Variants in MPPED2 observed in about 807,000 individuals in gnomAD.
MPPED2 encodes the protein metallophosphoesterase MPPED2.
MPPED2 carries 5 observed loss-of-function variants against 33.0 expected under a neutral mutation model. That is an observed-to-expected ratio of 0.15 (90% confidence interval 0.08 to 0.32). The LOEUF is 0.32. Among genes scored for constraint, MPPED2 ranks in the 10% least tolerant of loss-of-function variants. The pLI is 1.00. For synonymous variants in MPPED2, 136 were observed against 141.9 expected (o/e 0.96, Z 0.29); for missense variants, 275 against 372.1 (o/e 0.74, Z 2.15).
chr11:30,575,945 GA>G (rs1214493934), intron 2 of MPPED2, among the ~76,000 whole-genome samples: 1 of 152,084 alleles, frequency 6.6e-6, no homozygotes, highest in African/African-American at 2.4e-5. Context: ...AGGAAGAAAG[GA>G]CAAGATTTAG....
chr11:30,487,470 A>G (rs1473121434), intron 4 of MPPED2, among the ~76,000 whole-genome samples: 3 of 152,122 alleles, frequency 2.0e-5, no homozygotes, highest in Non-Finnish European at 4.4e-5. Context: ...CATGCCTTAT[A>G]ACACATTAAG....
chr11:30,508,926 A>G (rs966886159), intron 3 of MPPED2, among the ~76,000 whole-genome samples: 3 of 152,184 alleles, frequency 2.0e-5, no homozygotes, highest in Non-Finnish European at 4.4e-5. Flanking sequence ...TATTCTATTC[A>G]TCTTTGCATT....
At chr11:30,491,568 C>T (rs1456608172) in intron 4 of MPPED2, among the ~76,000 whole-genome samples, 2 of 152,180 alleles carry the variant, frequency 1.3e-5, no homozygotes, top group Non-Finnish European at 2.9e-5. Flanking sequence ...CTTCTATGCA[C>T]TGTGGATGCA....
chr11:30,387,284 A>G (rs967193068), exon 7 of MPPED2: 1 of 152,532 alleles, frequency 6.6e-6, no homozygotes, highest in African/African-American at 2.4e-5. Flanking sequence ...ATCTGCAAGC[A>G]GATGCTGTGT....
intron 2 of MPPED2, among the ~76,000 whole-genome samples, chr11:30,561,754 T>C (rs1956249733): frequency 2.0e-5 from 3 of 152,204 alleles, no homozygotes; most frequent in African/African-American, 7.2e-5. Flanking sequence ...AAAGTGCTCC[T>C]TGTGGAGCAA....
intron 3 of MPPED2, among the ~76,000 whole-genome samples, chr11:30,502,397 G>T (rs1045099311): frequency 6.6e-6 from 1 of 151,994 alleles, no homozygotes; most frequent in Non-Finnish European, 1.5e-5. Flanking sequence ...TGCTTCTCTG[G>T]CTATATCACA....
In MPPED2 at chr11:30,443,648, G is replaced by A. The variant is rs181064969; in HGVS notation, c.537-26015C>T. On this transcript the variant is annotated intron_variant, in intron 4 of 6. Coordinates refer to ENST00000358117, the MANE Select transcript of MPPED2 (RefSeq NM_001584.3). ...GGACCTGGGTTCAAATCATGGCTCT[G>A]TAGAATGAACTCAGGGAATGAGAAA... Among the ~76,000 whole-genome samples, 8 of 152,302 alleles carry A rather than the reference G, an allele frequency of 5.3e-5. No homozygotes were observed. In the East Asian group the frequency reaches 5.8e-4, roughly 11 times the overall value.
At chr11:30,419,804 T>C (rs1472108455) in intron 4 of MPPED2, among the ~76,000 whole-genome samples, 1 of 152,124 alleles carries the variant, frequency 6.6e-6, no homozygotes, top group Non-Finnish European at 1.5e-5. Flanking sequence ...ATCTGTCCTA[T>C]AGATAGCCCC....
intron 4 of MPPED2, among the ~76,000 whole-genome samples, chr11:30,481,400 C>CA (rs1407408881): frequency 6.6e-6 from 1 of 152,084 alleles, no homozygotes; most frequent in Non-Finnish European, 1.5e-5. Flanking sequence ...GTATAAAAAC[C>CA]AAATTTCACC....
chr11:30,401,605 T>C (rs1947909123), intron 6 of MPPED2, among the ~76,000 whole-genome samples: 1 of 152,232 alleles, frequency 6.6e-6, no homozygotes, highest in Non-Finnish European at 1.5e-5. Context: ...CTAAAGGAAC[T>C]ATATCCATAG....
intron 6 of MPPED2, among the ~76,000 whole-genome samples, chr11:30,391,346 C>T (rs757329074): frequency 1.3e-5 from 2 of 152,118 alleles, no homozygotes; most frequent in Non-Finnish European, 1.5e-5. Flanking sequence ...GTACTTTGGA[C>T]GTGATTGTAG....
intron 4 of MPPED2, among the ~76,000 whole-genome samples, chr11:30,472,978 C>G (rs943819058): frequency 2.6e-5 from 4 of 152,118 alleles, no homozygotes; most frequent in Non-Finnish European, 5.9e-5. Context: ...GATAAACATC[C>G]TCTATGAAAT....
chr11:30,502,573 G>C (rs1952619073), intron 3 of MPPED2, among the ~76,000 whole-genome samples: 1 of 152,128 alleles, frequency 6.6e-6, no homozygotes, highest in Non-Finnish European at 1.5e-5. Flanking sequence ...TGAAGAGAAG[G>C]CCAACTTTAT....
intron 4 of MPPED2, among the ~76,000 whole-genome samples, chr11:30,427,680 C>T (rs1322446606): frequency 6.6e-6 from 1 of 152,042 alleles, no homozygotes; most frequent in Non-Finnish European, 1.5e-5. Context: ...AAAGTATTAC[C>T]TTTCGTGTAT....
intron 4 of MPPED2, among the ~76,000 whole-genome samples, chr11:30,444,043 A>G (rs1949696759): frequency 6.6e-6 from 1 of 152,228 alleles, no homozygotes; most frequent in South Asian, 2.1e-4. Flanking sequence ...TAAAGCCAAA[A>G]AATTATTTTA....
intron 4 of MPPED2, among the ~76,000 whole-genome samples, chr11:30,491,578 A>G (rs1414593307): frequency 6.6e-6 from 1 of 152,244 alleles, no homozygotes; most frequent in African/African-American, 2.4e-5. Flanking sequence ...CTGTGGATGC[A>G]TTAATTCTAT....
rs1437746556 is a variant in MPPED2, at chr11:30,523,349, G to A, written c.310+12645C>T. Among the ~76,000 whole-genome samples, 3 of 152,088 alleles carry A rather than the reference G, an allele frequency of 2.0e-5. No individual in the cohort carries two copies. The East Asian group carries it at 5.8e-4, about 29-fold the overall frequency. Reference sequence around the variant, plus strand: ...GATGAAAGTGATCTATGGAGTACTGGGAAGTTCAAAGCCAAACCAAATGCC... The same window carrying A: ...GATGAAAGTGATCTATGGAGTACTGAGAAGTTCAAAGCCAAACCAAATGCC... On this transcript the variant is annotated intron_variant, in intron 3 of 6. Coordinates refer to ENST00000358117, the MANE Select transcript of MPPED2 (RefSeq NM_001584.3).
chr11:30,558,687 G>A (rs951970615), intron 2 of MPPED2, among the ~76,000 whole-genome samples: 2 of 151,550 alleles, frequency 1.3e-5, no homozygotes, highest in Non-Finnish European at 2.9e-5. Flanking sequence ...CTCCCAAAGT[G>A]CTGGGATTAC....
chr11:30,524,704 A>G (rs1954072917), intron 3 of MPPED2, among the ~76,000 whole-genome samples: 1 of 152,208 alleles, frequency 6.6e-6, no homozygotes, highest in Non-Finnish European at 1.5e-5. Flanking sequence ...GGTCAGAAAG[A>G]CACTCAGGAA....
Sources: allele counts gnomAD v4.1 joint callset (sites outside exome capture counted in the v4.1 genomes callset), GRCh38; gene constraint gnomAD v4.1.1; transcripts MANE v1.5; gene names NCBI Gene and HGNC (gene_info 2026-07-23, HGNC 2026-07-21).